ATAD2B: variants seen among roughly 807,000 people sequenced by gnomAD.
ATAD2B encodes ATPase family AAA domain containing 2B.
ATAD2B carries 40 observed loss-of-function variants against 167.6 expected under a neutral mutation model. The ratio of observed to expected loss-of-function variants is 0.24; its 90% CI spans 0.19 to 0.31. The LOEUF is 0.31. Ranked by LOEUF, ATAD2B falls within the 10% of genes least tolerant of loss-of-function variation. The probability of loss-of-function intolerance (pLI) is 1.00; values close to 1 mark genes in which losing one functional copy is unlikely to be tolerated. For missense variants in ATAD2B, 1,242 were observed against 1,757.2 expected (o/e 0.71, Z 5.24); for synonymous variants, 579 against 596.5 (o/e 0.97, Z 0.43).
chr2:23,753,123 A>G (rs1306707460), intron 27 of ATAD2B, among the ~76,000 whole-genome samples: 1 of 152,170 alleles, frequency 6.6e-6, no homozygotes, highest in Non-Finnish European at 1.5e-5. Flanking sequence ...CTCCAAAGAA[A>G]TTCTATTCTA....
At chr2:23,896,447 GATTAC>G (rs1462921695) in intron 1 of ATAD2B, among the ~76,000 whole-genome samples, 3 of 151,860 alleles carry the variant, frequency 2.0e-5, no homozygotes, top group Non-Finnish European at 4.4e-5. Context: ...AAACAAGAAA[GATTAC>G]ATTTATAATC....
intron 6 of ATAD2B, 123 bp from the exon 7 acceptor site, chr2:23,880,878 T>A: frequency 1.6e-6 from 1 of 639,008 alleles, no homozygotes; most frequent in Non-Finnish European, 2.7e-6. Context: ...GACATTTAAG[T>A]GCCAACATAT....
At chr2:23,814,463 G>A (rs1472489793) in intron 17 of ATAD2B, among the ~76,000 whole-genome samples, 1 of 152,144 alleles carries the variant, frequency 6.6e-6, no homozygotes, top group African/African-American at 2.4e-5. Context: ...ACCAATTAGA[G>A]ACTCATAGAA....
chr2:23,692,982 G>A, the ATAD2B span, among the ~76,000 whole-genome samples: 1 of 152,166 alleles, frequency 6.6e-6, no homozygotes, highest in Non-Finnish European at 1.5e-5. Flanking sequence ...CCCAGGCTCT[G>A]AGCAGGGCTC....
chr2:23,891,019 G>GTTTTTT (rs1304538422), intron 2 of ATAD2B, among the ~76,000 whole-genome samples: 1 of 135,390 alleles, frequency 7.4e-6, no homozygotes. Context: ...AATATACTGA[G>GTTTTTT]ATTTTTTTTT....
chr2:23,701,793 C>CTTTTTTTTTTTTTTTTTTT, the ATAD2B span, among the ~76,000 whole-genome samples: 1 of 22,544 alleles, frequency 4.4e-5, no homozygotes. Context: ...CTTTTTTTTG[C>CTTTTTTTTTTTTTTTTTTT]TTTTTTTTTT....
At chr2:23,800,308 T>C (rs1015537107) in intron 18 of ATAD2B, among the ~76,000 whole-genome samples, 3 of 152,128 alleles carry the variant, frequency 2.0e-5, no homozygotes, top group Admixed American at 6.6e-5. Context: ...ACCACATACA[T>C]GCCCAGGGTA....
At position 23,814,917 on chromosome 2, in the gene ATAD2B, G is replaced by C. The variant is rs545287020; in HGVS notation, c.2268-4415C>G. Among the ~76,000 whole-genome samples, 6 of 152,012 alleles carry C rather than the reference G, an allele frequency of 3.9e-5. No individual in the cohort carries two copies. In the South Asian group the frequency reaches 1.0e-3, roughly 26 times the overall value. ...AAAATACAAAAAAAATTAGCCAGGCGTGGTGGCAGGCACCTGTAATCCCAG... is the reference window on the plus strand; with the variant it reads ...AAAATACAAAAAAAATTAGCCAGGCCTGGTGGCAGGCACCTGTAATCCCAG... On this transcript the variant is annotated intron_variant, in intron 17 of 27. Transcript: ENST00000238789.
intron 18 of ATAD2B, among the ~76,000 whole-genome samples, chr2:23,805,634 G>A (rs1171581676): frequency 6.6e-6 from 1 of 151,932 alleles, no homozygotes; most frequent in Admixed American, 6.6e-5. Context: ...TGGGTCAAAA[G>A]GTATATGTAT....
At chr2:23,727,424 T>C in the ATAD2B span, among the ~76,000 whole-genome samples, 1 of 152,214 alleles carries the variant, frequency 6.6e-6, no homozygotes, top group African/African-American at 2.4e-5. Context: ...TAGCACTAAC[T>C]GCTGACAAAC....
chr2:23,715,221 T>C, the ATAD2B span, among the ~76,000 whole-genome samples: 1 of 152,234 alleles, frequency 6.6e-6, no homozygotes, highest in Non-Finnish European at 1.5e-5. Flanking sequence ...ATCAGTCATT[T>C]GTCCCACCTA....
intron 13 of ATAD2B, chr2:23,856,188 C>CAA (rs571662550): frequency 0.09 from 6,622 of 73,382 alleles, 241 homozygotes; most frequent in Non-Finnish European, 0.12. Context: ...GACTCCATCT[C>CAA]AAAAAAAAAA....
intron 25 of ATAD2B, among the ~76,000 whole-genome samples, chr2:23,756,392 G>GA (rs985052582): frequency 7.6e-4 from 109 of 144,358 alleles, no homozygotes; most frequent in East Asian, 7.9e-4. Context: ...AATACTGGCA[G>GA]AAAAAAAAAA....
the ATAD2B span, among the ~76,000 whole-genome samples, chr2:23,741,060 A>C: frequency 1.5e-3 from 229 of 152,260 alleles, 2 homozygotes; most frequent in African/African-American, 4.9e-3. Context: ...AGAGGATACA[A>C]ACAAGTGGAA....
chr2:23,808,210 T>A (rs1187183755), intron 18 of ATAD2B, among the ~76,000 whole-genome samples: 3 of 139,680 alleles, frequency 2.1e-5, no homozygotes, highest in Admixed American at 1.5e-4. Flanking sequence ...TATAAAAATA[T>A]ATATATATAT....
At chr2:23,763,839 A>G (rs970549928) in intron 23 of ATAD2B, among the ~76,000 whole-genome samples, 1 of 152,032 alleles carries the variant, frequency 6.6e-6, no homozygotes, top group African/African-American at 2.4e-5. Context: ...CGATCCTCCA[A>G]CCTCTGCCAC....
At chr2:23,784,458 C>T (rs1680512542) in intron 21 of ATAD2B, among the ~76,000 whole-genome samples, 1 of 152,092 alleles carries the variant, frequency 6.6e-6, no homozygotes, top group Admixed American at 6.6e-5. Context: ...AAGAGAAATA[C>T]AACCCTAAAT....
intron 18 of ATAD2B, among the ~76,000 whole-genome samples, chr2:23,809,709 G>C (rs1179196092): frequency 1.3e-5 from 2 of 152,008 alleles, no homozygotes; most frequent in African/African-American, 2.4e-5. Context: ...ATGGTCCCTT[G>C]GCTCAAAAAA....
intron 19 of ATAD2B, among the ~76,000 whole-genome samples, chr2:23,795,195 T>C (rs1682410919): frequency 6.6e-6 from 1 of 152,250 alleles, no homozygotes; most frequent in African/African-American, 2.4e-5. Flanking sequence ...ATAACTTTTA[T>C]ATCCACAGAT....
Sources: allele counts gnomAD v4.1 joint callset (sites outside exome capture counted in the v4.1 genomes callset), GRCh38; gene constraint gnomAD v4.1.1; transcripts MANE v1.5; gene names NCBI Gene and HGNC (gene_info 2026-07-23, HGNC 2026-07-21).